Variants in SRPK2 observed in about 807,000 individuals in gnomAD.
SRPK2 encodes the protein SRSF protein kinase 2, also known as SFRS protein kinase 2.
SRPK2 carries 21 observed loss-of-function variants against 90.8 expected under a neutral mutation model. The observed-to-expected ratio is 0.23, with a 90% CI of 0.16 to 0.33. The LOEUF is 0.33. SRPK2 is among the 10% of genes least tolerant of loss of function. The pLI is 1.00. For missense variants in SRPK2, 620 were observed against 869.0 expected, an observed-to-expected ratio of 0.71 and a Z score of 3.60; for synonymous variants, 288 against 311.1, an observed-to-expected ratio of 0.93 and a Z score of 0.78.
intron 2 of SRPK2, among the ~76,000 whole-genome samples, chr7:105,247,562 A>ACACACACACAC (rs370589750): frequency 1.3e-5 from 2 of 150,786 alleles, no homozygotes; most frequent in Non-Finnish European, 3.0e-5. Flanking sequence ...ACACACACAC[A>ACACACACACAC]GAAGTTATAC....
intron 2 of SRPK2, among the ~76,000 whole-genome samples, chr7:105,292,785 C>A (rs1320965819): frequency 1.3e-5 from 2 of 152,226 alleles, no homozygotes; most frequent in South Asian, 4.1e-4. Flanking sequence ...GTTTCCCACA[C>A]TGTTCATAAA....
rs1795728852 is a variant in SRPK2, at chr7:105,202,853, A to C, written c.229+775T>G. Among the ~76,000 whole-genome samples, 2 of 152,254 alleles carry C rather than the reference A, an allele frequency of 1.3e-5. 1 individual carries two copies. The highest frequency in any genetic ancestry group is 4.1e-4 in the South Asian group (2 of 4,836). On this transcript the variant is annotated intron_variant, in intron 3 of 15. Coordinates refer to ENST00000393651, the MANE Select transcript of SRPK2 (RefSeq NM_182692.3). Reference sequence around the variant, plus strand: ...TATGTAATTCAATGCTACACAAAGAAAGGAATGGTTTTCTTTTAGCCTTAG... The same window carrying C: ...TATGTAATTCAATGCTACACAAAGACAGGAATGGTTTTCTTTTAGCCTTAG...
chr7:105,277,165 C>T (rs1336389564), intron 2 of SRPK2, among the ~76,000 whole-genome samples: 1 of 152,126 alleles, frequency 6.6e-6, no homozygotes. Flanking sequence ...CAAGCTCCGC[C>T]TCCCGGGTTC....
chr7:105,346,313 G>A (rs1011785542), intron 2 of SRPK2, among the ~76,000 whole-genome samples: 1 of 152,104 alleles, frequency 6.6e-6, no homozygotes, highest in South Asian at 2.1e-4. Flanking sequence ...AGAAAGTGAA[G>A]GATTCTGCAC....
chr7:105,230,493 T>C (rs1038160766), intron 2 of SRPK2, among the ~76,000 whole-genome samples: 3 of 152,076 alleles, frequency 2.0e-5, no homozygotes, highest in Non-Finnish European at 2.9e-5. Context: ...TTTAGAAAGA[T>C]TACTCCAGCA....
At position 105,146,612 on chromosome 7, in the gene SRPK2, T is replaced by C. The variant is rs1466881752; in HGVS notation, c.668A>G (p.His223Arg). 6.2e-7 allele frequency: 1 copy of C among 1,614,240 alleles called. No homozygotes were observed. Among genetic ancestry groups the C allele is most frequent in the Non-Finnish European group, 8.5e-7 (1 of 1,180,030 alleles). The change falls in exon 8 of 16, where the codon CAT becomes CGT. Residue 223 changes from histidine (H) to arginine (R), a missense_variant. Physicochemically the swap from His to Arg is conservative, Grantham distance 29 (BLOSUM62 0). This residue lies in a region of SRPK2 where 196 missense variants were observed against 339.2 expected (regional missense o/e 0.58). Coordinates refer to ENST00000393651, the MANE Select transcript of SRPK2 (RefSeq NM_182692.3). ...GATATTTTCCGGCTTTATGTCAGTA[T>C]GAATGATCTTGCACTTACTGTGTAA... ...DYLHSKCKII[H>R]TDIKPENILM...
At chr7:105,384,487 G>GTATA (rs1233018160) in intron 2 of SRPK2, among the ~76,000 whole-genome samples, 1 of 152,156 alleles carries the variant, frequency 6.6e-6, no homozygotes, top group Admixed American at 6.6e-5. Flanking sequence ...AAGCCTGCTT[G>GTATA]TATATACAAA....
chr7:105,244,606 G>A (rs568920727), intron 2 of SRPK2: 2 of 658,438 alleles, frequency 3.0e-6, no homozygotes, highest in East Asian at 5.5e-5. Flanking sequence ...AGTTCCACGC[G>A]GCGCCAGCCC....
intron 2 of SRPK2, among the ~76,000 whole-genome samples, chr7:105,228,221 A>G (rs1798963156): frequency 6.6e-6 from 1 of 152,194 alleles, no homozygotes; most frequent in Admixed American, 6.5e-5. Flanking sequence ...AAAAAGTTAT[A>G]CAAAGACTGG....
At chr7:105,202,244 T>A (rs1419788311) in intron 3 of SRPK2, among the ~76,000 whole-genome samples, 2 of 152,234 alleles carry the variant, frequency 1.3e-5, no homozygotes, top group African/African-American at 2.4e-5. Flanking sequence ...AAATGTACAC[T>A]GTTTCTGAAC....
intron 2 of SRPK2, among the ~76,000 whole-genome samples, chr7:105,333,160 C>A (rs1452955674): frequency 6.6e-6 from 1 of 152,216 alleles, no homozygotes; most frequent in Non-Finnish European, 1.5e-5. Context: ...TGCCACTGCA[C>A]TCCAGCCTGA....
At chr7:105,181,568 C>T (rs1792814372) in intron 3 of SRPK2, among the ~76,000 whole-genome samples, 1 of 152,168 alleles carries the variant, frequency 6.6e-6, no homozygotes, top group Non-Finnish European at 1.5e-5. Flanking sequence ...GCTGCAGGAA[C>T]ATGGATGGAG....
chr7:105,328,735 G>A (rs971880588), intron 2 of SRPK2, among the ~76,000 whole-genome samples: 9 of 151,512 alleles, frequency 5.9e-5, no homozygotes, highest in Non-Finnish European at 7.4e-5. Context: ...CATAGCGGCA[G>A]GCACCTGTAG....
chr7:105,317,759 A>ACC (rs1339013329), intron 2 of SRPK2, among the ~76,000 whole-genome samples: 1 of 152,060 alleles, frequency 6.6e-6, no homozygotes, highest in African/African-American at 2.4e-5. Context: ...TTTAAAAAGT[A>ACC]CCCCTTTTTG....
chr7:105,301,568 T>C, intron 2 of SRPK2: 1 of 1,582,092 alleles, frequency 6.3e-7, no homozygotes, highest in East Asian at 2.2e-5. Flanking sequence ...TTACGCTCTA[T>C]TTATGAAGGA....
At chr7:105,347,855 T>C (rs1170532250) in intron 2 of SRPK2, among the ~76,000 whole-genome samples, 11 of 140,220 alleles carry the variant, frequency 7.8e-5, no homozygotes, top group Admixed American at 1.5e-4. Context: ...AGACTCCGTC[T>C]CAAAAAAAAA....
intron 2 of SRPK2, among the ~76,000 whole-genome samples, chr7:105,320,684 C>G (rs1812837492): frequency 6.6e-6 from 1 of 152,158 alleles, no homozygotes; most frequent in Non-Finnish European, 1.5e-5. Flanking sequence ...CAAACTGTGG[C>G]CAAAGACCTT....
At chr7:105,126,095 C>A (rs1263990539) in intron 15 of SRPK2, among the ~76,000 whole-genome samples, 153 bp downstream of exon 15, 1 of 152,192 alleles carries the variant, frequency 6.6e-6, no homozygotes, top group African/African-American at 2.4e-5. Flanking sequence ...TAAATGTGGT[C>A]TTCCCTGACA....
At chr7:105,181,939 A>C (rs1792903449) in intron 3 of SRPK2, among the ~76,000 whole-genome samples, 1 of 151,372 alleles carries the variant, frequency 6.6e-6, no homozygotes, top group Admixed American at 6.6e-5. Flanking sequence ...CTAAAATTCA[A>C]CTGAGATGGC....
Sources: gnomAD v4.1 joint callset for allele counts (sites outside exome capture counted in the v4.1 genomes callset) on GRCh38, gnomAD v4.1.1 for gene constraint, gnomAD v4.1.1 regional missense constraint, MANE v1.5 for transcripts, NCBI Gene and HGNC (gene_info 2026-07-23, HGNC 2026-07-21) for gene names.